VPS13B: variants seen among roughly 807,000 people sequenced by gnomAD.
VPS13B encodes the protein intermembrane lipid transfer protein VPS13B.
A neutral mutation model predicts 426.4 loss-of-function variants in VPS13B; 285 were observed. The ratio of observed to expected loss-of-function variants is 0.67; its 90% CI spans 0.61 to 0.74. VPS13B has a LOEUF of 0.74. Among genes scored for constraint, VPS13B ranks in the 30% least tolerant of loss-of-function variants. The pLI is 0.00. For synonymous variants in VPS13B, 1,676 were observed against 1,676.4 expected, an observed-to-expected ratio of 1.00 and a Z score of 0.01; for missense variants, 4,537 against 4,782.6, an observed-to-expected ratio of 0.95 and a Z score of 1.51.
intron 40 of VPS13B, among the ~76,000 whole-genome samples, chr8:99,768,935 T>G (rs1381075507): frequency 6.6e-6 from 1 of 152,210 alleles, no homozygotes; most frequent in African/African-American, 2.4e-5. Context: ...TAGTATCAAG[T>G]TAGAAATGAC....
intron 39 of VPS13B, among the ~76,000 whole-genome samples, chr8:99,751,896 G>C (rs1361222902): frequency 6.6e-6 from 1 of 152,174 alleles, no homozygotes. Context: ...AAGAGGACCA[G>C]CTGATGTCTG....
At chr8:99,661,520 G>A (rs1830222432) in intron 35 of VPS13B, 29 bp downstream of exon 35, 1 of 1,608,552 alleles carries the variant, frequency 6.2e-7, no homozygotes, top group Admixed American at 1.7e-5. Context: ...TTACATGTGT[G>A]TACATTTTTT....
intron 25 of VPS13B, among the ~76,000 whole-genome samples, chr8:99,498,768 T>C: frequency 6.6e-6 from 1 of 152,116 alleles, no homozygotes; most frequent in East Asian, 1.9e-4. Flanking sequence ...GTGGGAAATA[T>C]GAGTTTGAAG....
intron 16 of VPS13B, among the ~76,000 whole-genome samples, chr8:99,175,692 G>A (rs2044842621): frequency 6.6e-6 from 1 of 152,150 alleles, no homozygotes; most frequent in Non-Finnish European, 1.5e-5. Flanking sequence ...GGGAGATTGA[G>A]GCTGCAGTGA....
intron 21 of VPS13B, among the ~76,000 whole-genome samples, chr8:99,405,236 G>T (rs146967337): frequency 1.2e-4 from 18 of 151,810 alleles, no homozygotes; most frequent in African/African-American, 3.9e-4. Flanking sequence ...CTCTACTTAG[G>T]TATTATATGG....
chr8:99,098,785 C>G (rs1846569409), intron 4 of VPS13B, among the ~76,000 whole-genome samples: 1 of 152,008 alleles, frequency 6.6e-6, no homozygotes, highest in South Asian at 2.1e-4. Context: ...TCTCTTAAAA[C>G]TTTTATAGGT....
rs1847924916 is a variant in VPS13B at position 99,121,367 on chromosome 8, T to C, written c.1128T>C (p.His376=). 1 of 1,614,048 alleles carries C rather than the reference T, an allele frequency of 6.2e-7. No individual in the cohort carries two copies. The highest frequency in any genetic ancestry group is 1.7e-5 in the Admixed American group (1 of 59,994). Residue 376 remains histidine, a synonymous_variant, in exon 8 of 62, where the codon CAT becomes CAC. Transcript: ENST00000357162. Reference sequence around the variant, plus strand: ...GGAACGATCCTGCATCAACCATGCATCAACAAAAAGCACAGACTTTGAAGG... The same window carrying C: ...GGAACGATCCTGCATCAACCATGCACCAACAAAAAGCACAGACTTTGAAGG... ...FVGNDPASTM[H]QQKAQTLKDP...
chr8:99,834,668 C>T (rs1248730929), intron 52 of VPS13B, among the ~76,000 whole-genome samples: 5 of 152,160 alleles, frequency 3.3e-5, no homozygotes, highest in Admixed American at 6.5e-5. Context: ...CCATCCTCCT[C>T]CCACCTCAGC....
chr8:99,244,504 T>G (rs1042269755), intron 17 of VPS13B, among the ~76,000 whole-genome samples: 2 of 152,240 alleles, frequency 1.3e-5, no homozygotes, highest in African/African-American at 4.8e-5. Flanking sequence ...AACACACTTT[T>G]CAGCACATAA....
intron 30 of VPS13B, 101 bp downstream of exon 30, chr8:99,521,111 CAGGATCTTTTGATATTT>C (rs1822361896): frequency 1.0e-6 from 1 of 988,642 alleles, no homozygotes; most frequent in African/African-American, 1.6e-5. Flanking sequence ...ATTTCTCATT[CAGGATCTTTTGATATTT>C]AAAACCAGGT....
intron 12 of VPS13B, among the ~76,000 whole-genome samples, chr8:99,137,198 T>C (rs978072275): frequency 1.8e-4 from 28 of 152,180 alleles, no homozygotes; most frequent in African/African-American, 6.7e-4. Flanking sequence ...TACCTTATTA[T>C]TGTATTATTT....
intron 3 of VPS13B, among the ~76,000 whole-genome samples, chr8:99,066,050 C>G (rs916558439): frequency 6.6e-6 from 1 of 152,180 alleles, no homozygotes; most frequent in African/African-American, 2.4e-5. Context: ...TAGGAAGAAT[C>G]AATATCGTGA....
chr8:99,768,314 C>T (rs1236600789), intron 40 of VPS13B, among the ~76,000 whole-genome samples: 1 of 152,206 alleles, frequency 6.6e-6, no homozygotes, highest in African/African-American at 2.4e-5. Context: ...ATCCACCATT[C>T]CAATACCTTG....
chr8:99,066,280 C>T (rs1261366808), intron 3 of VPS13B, among the ~76,000 whole-genome samples: 1 of 152,244 alleles, frequency 6.6e-6, no homozygotes, highest in Non-Finnish European at 1.5e-5. Flanking sequence ...ACCAAAACAG[C>T]ATGGTACTGG....
chr8:99,780,753 G>C (rs1445326449), intron 42 of VPS13B, among the ~76,000 whole-genome samples: 1 of 152,138 alleles, frequency 6.6e-6, no homozygotes, highest in East Asian at 1.9e-4. Flanking sequence ...TTGCCACCAA[G>C]TTTTAATGTG....
At chr8:99,178,009 G>T (rs1014881133) in intron 16 of VPS13B, among the ~76,000 whole-genome samples, 22 of 151,880 alleles carry the variant, frequency 1.4e-4, no homozygotes, top group African/African-American at 5.1e-4. Flanking sequence ...GAGTTCAAAA[G>T]AACTCTACGT....
intron 33 of VPS13B, among the ~76,000 whole-genome samples, chr8:99,584,999 T>A (rs1445302205): frequency 1.3e-5 from 2 of 152,190 alleles, no homozygotes; most frequent in African/African-American, 4.8e-5. Flanking sequence ...CTGACTTAAT[T>A]TTTCTTACAA....
intron 54 of VPS13B, among the ~76,000 whole-genome samples, chr8:99,842,045 C>T (rs1366386116): frequency 6.6e-6 from 1 of 152,160 alleles, no homozygotes; most frequent in Non-Finnish European, 1.5e-5. Flanking sequence ...CACCTCTTCC[C>T]GCCTTTCAAA....
chr8:99,164,895 G>T (rs991871307), intron 15 of VPS13B, among the ~76,000 whole-genome samples: 5 of 151,116 alleles, frequency 3.3e-5, no homozygotes, highest in African/African-American at 1.2e-4. Flanking sequence ...TTTCCTTTCT[G>T]CTGCCTCTGC....
Sources: allele counts gnomAD v4.1 joint callset (sites outside exome capture counted in the v4.1 genomes callset), GRCh38; gene constraint gnomAD v4.1.1; transcripts MANE v1.5; gene names NCBI Gene and HGNC (gene_info 2026-07-23, HGNC 2026-07-21).